Variants in LPP observed in about 807,000 individuals in gnomAD.
LPP encodes lipoma-preferred partner.
In LPP, 38 loss-of-function variants were observed where a neutral mutation model predicts 60.4. The observed-to-expected ratio is 0.63, with a 90% CI of 0.49 to 0.83. The LOEUF (loss-of-function observed/expected upper bound fraction) is 0.83. LPP is among the 40% of genes least tolerant of loss of function. The pLI is 0.00. For missense variants in LPP, 902 were observed against 783.6 expected (o/e 1.15, Z -1.80); for synonymous variants, 328 against 290.8 (o/e 1.13, Z -1.30).
chr3:188,773,801 G>A lies in LPP; in HGVS notation c.1410+13519G>A, dbSNP rs561583986. On this transcript the variant is annotated intron_variant, in intron 9 of 11. Transcript: ENST00000617246. The stretch of plus-strand genomic sequence containing the variant: ...ACGTAGTTTCTCCACAAAATGGAAC[G>A]CGCTAAATGTGTTGGGGCCTCAGGA... Among the ~76,000 whole-genome samples, 148 of 152,136 alleles carry A rather than the reference G, an allele frequency of 9.7e-4. No individual in the cohort carries two copies. The South Asian group carries it at 0.014, about 14-fold the overall frequency.
At chr3:188,837,115 A>G (rs1301716160) in intron 9 of LPP, among the ~76,000 whole-genome samples, 2 of 152,080 alleles carry the variant, frequency 1.3e-5, no homozygotes, top group Admixed American at 1.3e-4. Flanking sequence ...CCAGAGAAGA[A>G]ATCTGGGCTT....
chr3:188,818,096 T>A (rs545911209), intron 9 of LPP, among the ~76,000 whole-genome samples: 74 of 152,306 alleles, frequency 4.9e-4, no homozygotes, highest in African/African-American at 1.6e-3. Context: ...AACGGGTGCA[T>A]ATCCTGTAAT....
intron 8 of LPP, among the ~76,000 whole-genome samples, chr3:188,718,234 A>G (rs1040003590): frequency 6.6e-6 from 1 of 152,182 alleles, no homozygotes; most frequent in Admixed American, 6.5e-5. Context: ...CTGTATCCCA[A>G]ATGACTTATC....
intron 1 of LPP, among the ~76,000 whole-genome samples, chr3:188,211,180 A>G (rs1362300590): frequency 6.6e-6 from 1 of 152,172 alleles, no homozygotes; most frequent in Non-Finnish European, 1.5e-5. Flanking sequence ...TTGTAAATGA[A>G]AAATATGTAA....
chr3:188,330,572 G>A (rs891434376), intron 2 of LPP, among the ~76,000 whole-genome samples: 2 of 152,020 alleles, frequency 1.3e-5, no homozygotes, highest in Admixed American at 1.3e-4. Flanking sequence ...TTCTGAATGA[G>A]CTCTTCCTCA....
intron 7 of LPP, among the ~76,000 whole-genome samples, chr3:188,650,681 G>A (rs982913423): frequency 1.3e-5 from 2 of 152,130 alleles, no homozygotes; most frequent in South Asian, 2.1e-4. Flanking sequence ...GGTTGGCAGA[G>A]CAATAGGGCA....
intron 5 of LPP, among the ~76,000 whole-genome samples, chr3:188,488,370 ATG>A (rs1439768435): frequency 6.9e-6 from 1 of 145,126 alleles, no homozygotes; most frequent in African/African-American, 2.4e-5. Context: ...TCTCATTTTC[ATG>A]TGGGAAGATG....
At chr3:188,415,997 G>A (rs1002851202) in intron 4 of LPP, among the ~76,000 whole-genome samples, 1 of 151,986 alleles carries the variant, frequency 6.6e-6, no homozygotes, top group Non-Finnish European at 1.5e-5. Context: ...AGTTTGCTGG[G>A]TTTTCGAATG....
chr3:188,308,852 CTTCTTG>C (rs142227161), intron 2 of LPP, among the ~76,000 whole-genome samples: 8,641 of 151,696 alleles, frequency 0.057, 525 homozygotes, highest in East Asian at 0.26. Flanking sequence ...TCTTCTTGTT[CTTCTTG>C]TTCTTGTTCT....
intron 7 of LPP, among the ~76,000 whole-genome samples, chr3:188,619,971 T>C (rs1359244717): frequency 2.6e-5 from 4 of 152,174 alleles, no homozygotes; most frequent in Admixed American, 6.5e-5. Context: ...CTGTCTCTAA[T>C]ATTAACTTCT....
intron 1 of LPP, among the ~76,000 whole-genome samples, chr3:188,193,547 A>G (rs1056767599): frequency 6.6e-6 from 1 of 152,246 alleles, no homozygotes; most frequent in Non-Finnish European, 1.5e-5. Context: ...AAAATTTTAT[A>G]AACTTGCCCT....
chr3:188,394,982 C>A (rs1445308546), intron 3 of LPP, among the ~76,000 whole-genome samples: 5 of 152,102 alleles, frequency 3.3e-5, no homozygotes, highest in Admixed American at 2.0e-4. Flanking sequence ...GTTTTTCATA[C>A]CATTTCAAAT....
intron 5 of LPP, among the ~76,000 whole-genome samples, chr3:188,488,990 G>A (rs1221511293): frequency 6.6e-6 from 1 of 152,070 alleles, no homozygotes; most frequent in African/African-American, 2.4e-5. Context: ...CCTCTTTTCA[G>A]CCAGGCCATA....
At chr3:188,259,692 A>T in intron 2 of LPP, among the ~76,000 whole-genome samples, 1 of 152,188 alleles carries the variant, frequency 6.6e-6, no homozygotes, top group East Asian at 1.9e-4. Context: ...TTTTTCCCCC[A>T]GTGTATGTGT....
At chr3:188,600,861 A>G (rs532345733) in intron 6 of LPP, among the ~76,000 whole-genome samples, 11 of 152,082 alleles carry the variant, frequency 7.2e-5, no homozygotes, top group Admixed American at 6.6e-4. Flanking sequence ...TTCAAGCTTA[A>G]TCTCTTCAAG....
chr3:188,415,644 G>T (rs1346003421), intron 4 of LPP, among the ~76,000 whole-genome samples: 1 of 152,000 alleles, frequency 6.6e-6, no homozygotes, highest in Non-Finnish European at 1.5e-5. Context: ...GTTGGTATAT[G>T]CAATAACCTG....
At chr3:188,240,000 A>T (rs2149437688) in intron 2 of LPP, 1 of 196,672 alleles carries the variant, frequency 5.1e-6, no homozygotes, top group Admixed American at 6.1e-5. Flanking sequence ...AGAGAAGTAA[A>T]ATGAGTTGCT....
intron 6 of LPP, among the ~76,000 whole-genome samples, chr3:188,560,626 T>C (rs953944350): frequency 2.0e-5 from 3 of 152,124 alleles, no homozygotes; most frequent in African/African-American, 7.2e-5. Context: ...TTCAGGCTGA[T>C]GCACTTATGC....
intron 7 of LPP, among the ~76,000 whole-genome samples, chr3:188,645,309 G>A (rs1015912485): frequency 1.3e-5 from 2 of 151,550 alleles, no homozygotes; most frequent in Admixed American, 6.6e-5. Flanking sequence ...GAGAGAGAGA[G>A]GAAAAGCACC....
Sources: gnomAD v4.1 joint callset for allele counts (sites outside exome capture counted in the v4.1 genomes callset) on GRCh38, gnomAD v4.1.1 for gene constraint, MANE v1.5 for transcripts, NCBI Gene and HGNC (gene_info 2026-07-23, HGNC 2026-07-21) for gene names.